The following ITGB4 variants were observed in gnomAD, a reference collection of about 807,000 sequenced individuals.
The protein encoded by ITGB4 is integrin beta-4.
In ITGB4, 159 loss-of-function variants were observed where a neutral mutation model predicts 207.6. That is an observed-to-expected ratio of 0.77 (90% CI 0.67 to 0.87). The LOEUF (loss-of-function observed/expected upper bound fraction) is 0.87, where lower values mean the gene tolerates loss of function less well. Ranked by LOEUF, ITGB4 falls within the 40% of genes least tolerant of loss-of-function variation. The pLI is 0.00. For missense variants in ITGB4, 2,278 were observed against 2,546.8 expected (o/e 0.89, Z 2.27); for synonymous variants, 1,020 against 1,062.7 (o/e 0.96, Z 0.78).
At position 75,756,689 on chromosome 17, in the gene ITGB4, C is replaced by T; in HGVS notation, c.4898-15C>T. On this transcript the variant is annotated splice_polypyrimidine_tract_variant and intron_variant, in intron 36 of 39. Transcript: ENST00000200181. ...ACCCACCCACAGGCTGATGCTCTTC[C>T]TCTACTGCCCCCAGGCTCCGCCTTC... 1 of 1,613,518 alleles carries T rather than the reference C, an allele frequency of 6.2e-7. No individual in the cohort carries two copies. The highest frequency in any genetic ancestry group is 1.1e-5 in the South Asian group (1 of 91,082).
intron 35 of ITGB4, 47 bp downstream of exon 35, chr17:75,755,897 C>T (rs755963968): frequency 1.5e-5 from 23 of 1,584,804 alleles, no homozygotes; most frequent in Non-Finnish European, 1.9e-5. Context: ...CCTGCAAGGC[C>T]TGGCCCCAGT....
At chr17:75,749,985 C>A in intron 27 of ITGB4, 126 bp from the exon 28 acceptor site, 1 of 1,185,404 alleles carries the variant, frequency 8.4e-7, no homozygotes, top group Non-Finnish European at 1.3e-6. Context: ...TCTCCAGAGA[C>A]GCGGGTGGGC....
chr17:75,757,719 C>T lies in ITGB4; in HGVS notation c.*164C>T, dbSNP rs757395224. The stretch of plus-strand genomic sequence containing the variant: ...TGGGAGGCATGAAGGGGGCAAGGTC[C>T]GTCCTCTGTGGGCCCAAACCTATTT... On this transcript the variant is annotated 3_prime_UTR_variant, in exon 40 of 40. Coordinates refer to ENST00000200181, the MANE Select transcript of ITGB4 (RefSeq NM_000213.5). 1.0e-5 allele frequency: 10 copies of T among 953,078 alleles called. No homozygotes were observed. Among genetic ancestry groups the T allele is most frequent in the South Asian group, 2.8e-5 (2 of 70,624 alleles). The allele number at this position is 953,078 out of a possible 1,614,324, so 59.0% of individuals were successfully genotyped here.
At chr17:75,726,876 ATC>A (rs2060728742) in intron 2 of ITGB4, among the ~76,000 whole-genome samples, 1 of 152,200 alleles carries the variant, frequency 6.6e-6, no homozygotes, top group Admixed American at 6.5e-5. Flanking sequence ...GATCGAGACC[ATC>A]CTGGCTAACA....
Position 75,750,706 on chromosome 17 carries a change from C to T in ITGB4, c.3501C>T (p.Ser1167=), listed in dbSNP as rs141513851. 2.1e-4 allele frequency: 335 copies of T among 1,613,336 alleles called. 1 individual carries two copies. In the African/African-American group the frequency reaches 3.4e-3, roughly 16 times the overall value. ...YRVKYWIQGD[S]ESEAHLLDSK... ...TAAAGTACTGGATTCAGGGTGACTC[C>T]GAATCCGAAGCCCACCTGCTCGACA... The change falls in exon 29 of 40, where the codon TCC becomes TCT. Residue 1167 remains serine (S), a synonymous_variant. Transcript: ENST00000200181. The surrounding 1 kb of genome is among the most constrained non-coding windows in gnomAD (Gnocchi z 5.5).
Position 75,743,703 on chromosome 17 carries a change from C to T in ITGB4, c.2963-10C>T. 6.2e-7 allele frequency: 1 copy of T among 1,613,470 alleles called. No homozygotes were observed. The highest frequency in any genetic ancestry group is 8.5e-7 in the Non-Finnish European group (1 of 1,180,006). On this transcript the variant is annotated splice_polypyrimidine_tract_variant and intron_variant, in intron 25 of 39. Coordinates refer to ENST00000200181, the MANE Select transcript of ITGB4 (RefSeq NM_000213.5). ...CAGCACACTCTGACAAATGCCCGGG[C>T]TCCTTGCAGCCAGAGACGTGGTGTC...
rs759255388 is a variant in ITGB4, at chr17:75,740,420, A to G, written c.2509A>G (p.Thr837Ala). 4 of 1,613,492 alleles carry G rather than the reference A, an allele frequency of 2.5e-6. No homozygotes were observed. The South Asian group carries it at 4.4e-5, about 18-fold the overall frequency. The change falls in exon 21 of 40, where the codon ACT becomes GCT. Residue 837 changes from threonine to alanine, a missense_variant. Coordinates refer to ENST00000200181, the MANE Select transcript of ITGB4 (RefSeq NM_000213.5). This position sits in a 1 kb window ranked among gnomAD's most constrained non-coding sequence, Gnocchi z 5.9. The part of the protein sequence containing the change: ...LCTENLLKPD[T>A]RECAQLRQEV... ...CACCGAGAACCTGCTGAAGCCTGACACTCGGGAGTGCGCCCAGCTGCGCCA... is the reference window on the plus strand; with the variant it reads ...CACCGAGAACCTGCTGAAGCCTGACGCTCGGGAGTGCGCCCAGCTGCGCCA...
Position 75,748,939 on chromosome 17 carries a change from C to G in ITGB4, c.3210C>G (p.Leu1070=). 6.2e-7 allele frequency: 1 copy of G among 1,613,294 alleles called. No homozygotes were observed. Among genetic ancestry groups the G allele is most frequent in the East Asian group, 2.2e-5 (1 of 44,856 alleles). ...KLLELQEVDS[L]LRGRQVRRFH... ...TGGAGCTGCAAGAAGTTGACTCCCT[C>G]CTGCGGGGCCGCCAGGTCCGCCGTT... Residue 1070 remains leucine, a synonymous_variant, in exon 27 of 40, where the codon CTC becomes CTG. Transcript: ENST00000200181.
At chr17:75,725,310 T>A (rs974776265) in intron 2 of ITGB4, among the ~76,000 whole-genome samples, 9 of 152,188 alleles carry the variant, frequency 5.9e-5, no homozygotes, top group African/African-American at 1.7e-4. Context: ...GTTATTTTTT[T>A]ATTTAATTCA....
At chr17:75,736,005 A>C (rs780485335) in intron 13 of ITGB4, 46 bp from the exon 14 acceptor site, 1 of 1,584,794 alleles carries the variant, frequency 6.3e-7, no homozygotes, top group Non-Finnish European at 8.6e-7. Context: ...CCTGGACTAC[A>C]GGCACAGATG....
At position 75,756,717 on chromosome 17, in the gene ITGB4, T is replaced by C; in HGVS notation, c.4911T>C (p.Thr1637=). The C allele has an allele frequency of 6.2e-7, 1 of 1,613,256 alleles. No individual in the cohort carries two copies. The highest frequency in any genetic ancestry group is 8.5e-7 in the Non-Finnish European group (1 of 1,179,974). The part of the protein sequence containing the change: ...PLCPLPGSAF[T]LSTPSAPGPL... ...TACTGCCCCCAGGCTCCGCCTTCAC[T>C]TTGAGCACTCCCAGTGCCCCAGGCC... Residue 1637 remains threonine, a synonymous_variant, in exon 37 of 40, where the codon ACT becomes ACC. Coordinates refer to ENST00000200181, the MANE Select transcript of ITGB4 (RefSeq NM_000213.5).
At position 75,724,697 on chromosome 17, in the gene ITGB4, G is replaced by A; in HGVS notation, c.-7G>A. The A allele has an allele frequency of 6.2e-7, 1 of 1,612,808 alleles. No homozygotes were observed. Among genetic ancestry groups the A allele is most frequent in the South Asian group, 1.1e-5 (1 of 91,074 alleles). On this transcript the variant is annotated 5_prime_UTR_variant, in exon 2 of 40. Transcript: ENST00000200181. ...GTCAATTGTTGCTGTTCTGCAGGAG[G>A]AAGAGGATGGCAGGGCCACGCCCCA...
chr17:75,752,662 G>A, intron 32 of ITGB4, 85 bp downstream of exon 32: 2 of 1,547,806 alleles, frequency 1.3e-6, no homozygotes, highest in South Asian at 2.3e-5. Flanking sequence ...GGGCAAAGGG[G>A]CCAGCAACTA....
chr17:75,747,445 C>T (rs1002953914), intron 26 of ITGB4, among the ~76,000 whole-genome samples: 1 of 152,108 alleles, frequency 6.6e-6, no homozygotes, highest in Non-Finnish European at 1.5e-5. Flanking sequence ...CGCCACTTCA[C>T]TCCAGTCTGG....
intron 26 of ITGB4, among the ~76,000 whole-genome samples, chr17:75,747,564 T>C (rs1295617332): frequency 6.6e-6 from 1 of 152,246 alleles, no homozygotes; most frequent in East Asian, 1.9e-4. Context: ...TATAGCGTTT[T>C]TCCCCCCAAT....
In ITGB4 at chr17:75,727,262, C is replaced by T. The variant is rs376523967; in HGVS notation, c.147C>T (p.Ala49=). The T allele has an allele frequency of 1.2e-4, 190 of 1,613,934 alleles. No individual in the cohort carries two copies. Among genetic ancestry groups the T allele is most frequent in the Non-Finnish European group, 1.6e-4 (188 of 1,179,988 alleles). The part of the protein sequence containing the change: ...TECVRVDKDC[A]YCTDEMFRDR... ...GTGTCCGTGTGGATAAGGACTGCGCCTACTGCACAGACGAGGTGAGGACCT... is the reference window on the plus strand; with the variant it reads ...GTGTCCGTGTGGATAAGGACTGCGCTTACTGCACAGACGAGGTGAGGACCT... The change falls in exon 3 of 40, where the codon GCC becomes GCT. Residue 49 remains alanine, a synonymous_variant. Coordinates refer to ENST00000200181, the MANE Select transcript of ITGB4 (RefSeq NM_000213.5). The surrounding 1 kb of genome is among the most constrained non-coding windows in gnomAD (Gnocchi z 6.0).
At position 75,752,236 on chromosome 17, in the gene ITGB4, G is replaced by A; in HGVS notation, c.3856G>A (p.Glu1286Lys). The A allele has an allele frequency of 1.9e-6, 3 of 1,613,830 alleles. No homozygotes were observed. The highest frequency in any genetic ancestry group is 2.5e-6 in the Non-Finnish European group (3 of 1,180,042). ...DNPKNRMLLI[E>K]NLRESQPYRY... is the part of the protein sequence containing the mutation. The stretch of plus-strand genomic sequence containing the variant: ...CCCTAAGAACCGGATGCTGCTTATT[G>A]AGAACCTTCGGGAGTCCCAGCCCTA... The change falls in exon 31 of 40, where the codon GAG becomes AAG. Residue 1286 changes from glutamate (E) to lysine (K), a missense_variant. Coordinates refer to ENST00000200181, the MANE Select transcript of ITGB4 (RefSeq NM_000213.5).
At position 75,756,524 on chromosome 17, in the gene ITGB4, GC is replaced by G. The variant is rs1304588947; in HGVS notation, c.4807del (p.Gln1603ArgfsTer36). ...PNHSYVFRVR[A>X]QSQEGWGRER... ...CCACTCCTACGTGTTCCGCGTGCGG[GC>G]CCAGAGCCAGGAAGGCTGGGGCCGA... On this transcript the variant is annotated frameshift_variant, in exon 36 of 40. Coordinates refer to ENST00000200181, the MANE Select transcript of ITGB4 (RefSeq NM_000213.5). LOFTEE classifies it high-confidence loss of function. 8 of 1,613,172 alleles carry G rather than the reference GC, an allele frequency of 5.0e-6. No homozygotes were observed. The highest frequency in any genetic ancestry group is 1.3e-5 in the African/African-American group (1 of 74,908).
At chr17:75,723,459 G>A (rs917143462) in intron 1 of ITGB4, among the ~76,000 whole-genome samples, 2 of 152,120 alleles carry the variant, frequency 1.3e-5, no homozygotes, top group Admixed American at 6.5e-5. Flanking sequence ...TGGGTGTGGC[G>A]GCTACACCCC....
Sources: gnomAD v4.1 joint callset for allele counts (sites outside exome capture counted in the v4.1 genomes callset) on GRCh38, gnomAD v4.1.1 for gene constraint, Gnocchi (gnomAD v3.1) non-coding constraint, MANE v1.5 for transcripts, NCBI Gene and HGNC (gene_info 2026-07-23, HGNC 2026-07-21) for gene names.